Variants in AFF1 observed in about 807,000 individuals in gnomAD.
AFF1 encodes the protein AF4/FMR2 family member 1.
A neutral mutation model predicts 121.7 loss-of-function variants in AFF1; 48 were observed. The ratio of observed to expected loss-of-function variants is 0.39; its 90% confidence interval spans 0.31 to 0.50. The LOEUF is 0.50. Ranked by LOEUF, AFF1 falls within the 20% of genes least tolerant of loss-of-function variation. The pLI is 0.76. For synonymous variants in AFF1, 613 were observed against 563.0 expected (o/e 1.09, Z -1.26); for missense variants, 1,523 against 1,511.7 (o/e 1.01, Z -0.12).
intron 2 of AFF1, among the ~76,000 whole-genome samples, chr4:87,026,276 T>C (rs1728528562): frequency 6.6e-6 from 1 of 152,164 alleles, no homozygotes; most frequent in Admixed American, 6.5e-5. Context: ...TTTGTACTTT[T>C]AGTAGAGATG....
chr4:87,057,874 C>T (rs1193495412), intron 4 of AFF1, among the ~76,000 whole-genome samples: 5 of 152,044 alleles, frequency 3.3e-5, no homozygotes, highest in Admixed American at 2.0e-4. Flanking sequence ...GGTGTTAAAC[C>T]CCCACCGCTG....
chr4:87,090,780 G>A (rs140505761), intron 6 of AFF1, among the ~76,000 whole-genome samples: 12 of 152,126 alleles, frequency 7.9e-5, no homozygotes, highest in African/African-American at 2.6e-4. Flanking sequence ...TTGGGAGGCC[G>A]AGGTGGGTGG....
Position 87,047,282 on chromosome 4 carries a change from A to T in AFF1, c.747A>T (p.Pro249=). 10 of 1,614,226 alleles carry T rather than the reference A, an allele frequency of 6.2e-6. No individual in the cohort carries two copies. The highest frequency in any genetic ancestry group is 1.3e-5 in the African/African-American group (1 of 75,050). The change falls in exon 4 of 21, where the codon CCA becomes CCT. Residue 249 remains proline (P), a synonymous_variant. Coordinates refer to ENST00000395146, the MANE Select transcript of AFF1 (RefSeq NM_001166693.3). ...GSSNNSKGYC[P]AKSPKDLAVK... Reference sequence around the variant, plus strand: ...GCAATAACAGTAAAGGCTATTGCCCAGCCAAATCTCCCAAGGACCTAGCAG... The same window carrying T: ...GCAATAACAGTAAAGGCTATTGCCCTGCCAAATCTCCCAAGGACCTAGCAG...
intron 2 of AFF1, among the ~76,000 whole-genome samples, chr4:86,996,683 C>T (rs1725236195): frequency 6.6e-6 from 1 of 151,974 alleles, no homozygotes; most frequent in South Asian, 2.1e-4. Context: ...GTGACCCTGC[C>T]AAATCCCCCT....
At chr4:87,012,115 T>A (rs1475885809) in intron 2 of AFF1, among the ~76,000 whole-genome samples, 1 of 152,170 alleles carries the variant, frequency 6.6e-6, no homozygotes, top group African/African-American at 2.4e-5. Context: ...ATTTTTTACA[T>A]AATACCTGTA....
intron 4 of AFF1, among the ~76,000 whole-genome samples, chr4:87,067,239 A>G (rs1300498103): frequency 1.3e-5 from 2 of 152,232 alleles, no homozygotes; most frequent in African/African-American, 4.8e-5. Flanking sequence ...TATTGAGAAC[A>G]TACTCTGTGT....
chr4:87,080,313 T>A (rs1307654681), intron 4 of AFF1, among the ~76,000 whole-genome samples: 1 of 152,252 alleles, frequency 6.6e-6, no homozygotes, highest in Non-Finnish European at 1.5e-5. Flanking sequence ...TTTTCTTGAT[T>A]CATGCAACTA....
intron 5 of AFF1, among the ~76,000 whole-genome samples, chr4:87,085,064 T>C (rs1723582925): frequency 2.6e-5 from 4 of 152,252 alleles, no homozygotes; most frequent in Admixed American, 2.6e-4. Context: ...TACTTTTTGC[T>C]TTTGTTTATT....
intron 2 of AFF1, among the ~76,000 whole-genome samples, chr4:87,015,854 G>A (rs891584014): frequency 7.9e-5 from 12 of 152,212 alleles, no homozygotes; most frequent in African/African-American, 2.7e-4. Context: ...CATCCTTAAA[G>A]TATTGGTATT....
At chr4:87,128,965 T>C (rs746198069) in intron 16 of AFF1, among the ~76,000 whole-genome samples, 32 of 152,208 alleles carry the variant, frequency 2.1e-4, no homozygotes, top group Non-Finnish European at 3.4e-4. Flanking sequence ...CTAAAACTTA[T>C]CTTGACATTG....
At position 86,998,607 on chromosome 4, in the gene AFF1, A is replaced by T. The variant is rs555481436; in HGVS notation, c.39-47559A>T. On this transcript the variant is annotated intron_variant, in intron 2 of 20. Coordinates refer to ENST00000395146, the MANE Select transcript of AFF1 (RefSeq NM_001166693.3). ...AATTTTGATGAAGTGGGATACTAAC[A>T]AACATACTGTATTGTACCTGTTTTT... Among the ~76,000 whole-genome samples, 19 of 152,332 alleles carry T rather than the reference A, an allele frequency of 1.2e-4. No homozygotes were observed. In the South Asian group the frequency reaches 3.9e-3, roughly 32 times the overall value.
intron 2 of AFF1, among the ~76,000 whole-genome samples, chr4:86,992,459 G>A (rs556508994): frequency 9.2e-5 from 14 of 152,238 alleles, no homozygotes; most frequent in African/African-American, 2.6e-4. Flanking sequence ...TCTCAACCAC[G>A]TGTACTGAGG....
rs1729239192 is a variant in AFF1 at position 87,135,604 on chromosome 4, A to G, written c.3560A>G (p.Asn1187Ser). The stretch of plus-strand genomic sequence containing the variant: ...GAATTCTTTGCTCGGCTCAGCACAA[A>G]TGTGTGCACCTTGGCCCTCAACAGC... ...NKEFFARLST[N>S]VCTLALNSSL... The change falls in exon 21 of 21, where the codon AAT becomes AGT. Residue 1187 changes from asparagine to serine, a missense_variant. Physicochemically the swap from Asn to Ser is conservative, Grantham distance 46. Transcript: ENST00000395146. 1.2e-6 allele frequency: 2 copies of G among 1,606,324 alleles called. No homozygotes were observed. Among genetic ancestry groups the G allele is most frequent in the Non-Finnish European group, 1.7e-6 (2 of 1,175,694 alleles).
At chr4:86,957,352 C>T (rs900083211) in intron 2 of AFF1, among the ~76,000 whole-genome samples, 8 of 152,136 alleles carry the variant, frequency 5.3e-5, no homozygotes, top group Non-Finnish European at 1.0e-4. Flanking sequence ...GTTCCAGTTT[C>T]TCCTGTTTTG....
Position 87,115,609 on chromosome 4 carries a change from C to CT in AFF1, c.2466+326dup, listed in dbSNP as rs71660115. 2.7e-3 allele frequency among the ~76,000 whole-genome samples: 110 copies of CT among 40,662 alleles called. 16 individuals are homozygous for CT. Among genetic ancestry groups the CT allele is most frequent in the South Asian group, 1.8e-3 (2 of 1,082 alleles). The allele number at this position is 40,662 out of a possible 152,430, so 26.7% of individuals were successfully genotyped here. The stretch of plus-strand genomic sequence containing the variant: ...ATCTAGGGCCGCCCCCAACCCACCT[C>CT]TTTTTTTTTTTTTTTTCCAAAGACA... On this transcript the variant is annotated intron_variant, in intron 12 of 20. Transcript: ENST00000395146.
intron 2 of AFF1, chr4:86,950,017 C>T: frequency 6.2e-7 from 1 of 1,614,082 alleles, no homozygotes; most frequent in Middle Eastern, 1.6e-4. Flanking sequence ...GTTTCACCTG[C>T]TGAGCTCCGT....
intron 4 of AFF1, among the ~76,000 whole-genome samples, chr4:87,083,469 C>A (rs893940221): frequency 6.6e-6 from 1 of 152,104 alleles, no homozygotes; most frequent in African/African-American, 2.4e-5. Context: ...GAAGAGTTAT[C>A]CTTGATTGGA....
intron 2 of AFF1, among the ~76,000 whole-genome samples, chr4:86,984,852 G>A (rs753778156): frequency 4.6e-5 from 7 of 152,012 alleles, no homozygotes; most frequent in African/African-American, 9.7e-5. Flanking sequence ...AGCCCAGGAG[G>A]CTGAGGCTGC....
At position 87,094,908 on chromosome 4, in the gene AFF1, C is replaced by G. The variant is rs1724675257; in HGVS notation, c.1229-7C>G. 1 of 1,612,880 alleles carries G rather than the reference C, an allele frequency of 6.2e-7. No homozygotes were observed. Among genetic ancestry groups the G allele is most frequent in the South Asian group, 1.1e-5 (1 of 91,052 alleles). ...TTGTGCTGCTTTGATGTTTCTCTCC[C>G]CCACAGAACAATATGATACATCTTC... On this transcript the variant is annotated splice_polypyrimidine_tract_variant and splice_region_variant and intron_variant, in intron 7 of 20. Transcript: ENST00000395146.
Sources: gnomAD v4.1 joint callset for allele counts (sites outside exome capture counted in the v4.1 genomes callset) on GRCh38, gnomAD v4.1.1 for gene constraint, MANE v1.5 for transcripts, NCBI Gene and HGNC (gene_info 2026-07-23, HGNC 2026-07-21) for gene names.